The following ST3GAL1 variants were observed in gnomAD, a reference collection of about 807,000 sequenced individuals.
ST3GAL1 encodes ST3 beta-galactoside alpha-2,3-sialyltransferase 1.
A neutral mutation model predicts 34.1 loss-of-function variants in ST3GAL1; 16 were observed. The observed-to-expected ratio is 0.47, with a 90% CI of 0.32 to 0.71. The LOEUF (loss-of-function observed/expected upper bound fraction) is 0.71, where lower values mean the gene tolerates loss of function less well. Among genes scored for constraint, ST3GAL1 ranks in the 30% least tolerant of loss-of-function variants. The pLI, the probability that ST3GAL1 is intolerant of heterozygous loss-of-function variation, is 0.04. For synonymous variants in ST3GAL1, 191 were observed against 184.7 expected, an observed-to-expected ratio of 1.03 and a Z score of -0.28; for missense variants, 353 against 447.4, an observed-to-expected ratio of 0.79 and a Z score of 1.90.
At chr8:133,569,849 T>C (rs188006392) in intron 1 of ST3GAL1, among the ~76,000 whole-genome samples, 3 of 152,094 alleles carry the variant, frequency 2.0e-5, no homozygotes, top group Non-Finnish European at 4.4e-5. Context: ...GTAAAGAAAA[T>C]CAGGAGGCTC....
intron 2 of ST3GAL1, among the ~76,000 whole-genome samples, chr8:133,535,477 A>G (rs1005544678): frequency 6.6e-6 from 1 of 151,372 alleles, no homozygotes; most frequent in Non-Finnish European, 1.5e-5. Context: ...TTTTTCCAAC[A>G]GTATGTGCTC....
intron 2 of ST3GAL1, among the ~76,000 whole-genome samples, chr8:133,534,529 T>C (rs1818250766): frequency 6.6e-6 from 1 of 152,108 alleles, no homozygotes; most frequent in South Asian, 2.1e-4. Flanking sequence ...CCTAAGTTAA[T>C]TGGAGGCAGA....
At chr8:133,470,603 C>T (rs1815915263) in intron 5 of ST3GAL1, among the ~76,000 whole-genome samples, 1 of 152,182 alleles carries the variant, frequency 6.6e-6, no homozygotes, top group Non-Finnish European at 1.5e-5. Context: ...CCTTGGGAAG[C>T]ACGGGGCCTC....
chr8:133,491,235 T>C (rs1015102876), intron 3 of ST3GAL1, among the ~76,000 whole-genome samples: 2 of 152,070 alleles, frequency 1.3e-5, no homozygotes, highest in African/African-American at 4.8e-5. Flanking sequence ...ACAAATCTTC[T>C]TATGTGTGTG....
At chr8:133,516,973 T>G (rs568024538) in intron 2 of ST3GAL1, among the ~76,000 whole-genome samples, 1 of 152,200 alleles carries the variant, frequency 6.6e-6, no homozygotes, top group Non-Finnish European at 1.5e-5. Context: ...GGTGAACATA[T>G]TAGTTCAGCA....
At chr8:133,496,543 C>T (rs1299103950) in intron 3 of ST3GAL1, among the ~76,000 whole-genome samples, 4 of 152,200 alleles carry the variant, frequency 2.6e-5, no homozygotes, top group African/African-American at 9.6e-5. Flanking sequence ...GAGGAACACA[C>T]AGATGACCAC....
At chr8:133,526,565 A>G (rs977615948) in intron 2 of ST3GAL1, among the ~76,000 whole-genome samples, 1 of 152,184 alleles carries the variant, frequency 6.6e-6, no homozygotes, top group African/African-American at 2.4e-5. Flanking sequence ...CCTGAGATAC[A>G]ATTATGTGTT....
At position 133,475,907 on chromosome 8, in the gene ST3GAL1, T is replaced by C. The variant is rs2130944600; in HGVS notation, c.118A>G (p.Lys40Glu). 1.2e-6 allele frequency: 2 copies of C among 1,613,920 alleles called. No homozygotes were observed. The highest frequency in any genetic ancestry group is 4.5e-5 in the East Asian group (2 of 44,830). ...HTMVATTWFP[K>E]QMVLELSENL... ...TCGGAGAGCTCCAGGACCATCTGCT[T>C]GGGGAACCAGGTGGTGGCCACCATG... Residue 40 changes from lysine (K) to glutamate (E), a missense_variant, in exon 5 of 10, where the codon AAG (lysine) becomes GAG (glutamate). Physicochemically the swap from Lys to Glu is moderately conservative, Grantham distance 56. Coordinates refer to ENST00000522652, the MANE Select transcript of ST3GAL1 (RefSeq NM_173344.3).
chr8:133,494,694 G>A (rs78024593), intron 3 of ST3GAL1, among the ~76,000 whole-genome samples: 1,874 of 152,040 alleles, frequency 0.012, 32 homozygotes, highest in African/African-American at 0.043. Flanking sequence ...CATTTTCCAC[G>A]ACTTTTCCTT....
Position 133,570,113 on chromosome 8 carries a change from GT to G in ST3GAL1, c.-582+1579del. Reference sequence around the variant, plus strand: ...GAAAACCCGGCTCCCCTCTCACCCCGTTTTCCTCGTTGGCGAGTCGGCCTCG... The same window carrying G: ...GAAAACCCGGCTCCCCTCTCACCCCGTTTCCTCGTTGGCGAGTCGGCCTCG... On this transcript the variant is annotated intron_variant, in intron 1 of 9. Coordinates refer to ENST00000522652, the MANE Select transcript of ST3GAL1 (RefSeq NM_173344.3). This position sits in a 1 kb window ranked among gnomAD's most constrained non-coding sequence, Gnocchi z 5.6. 1 of 152,464 alleles carries G rather than the reference GT, an allele frequency of 6.6e-6. No individual in the cohort carries two copies. The highest frequency in any genetic ancestry group is 1.5e-5 in the Non-Finnish European group (1 of 68,142). 9.4% of individuals were successfully genotyped at this position (152,464 alleles called of 1,614,324 possible).
chr8:133,485,130 G>T (rs923968330), intron 3 of ST3GAL1, among the ~76,000 whole-genome samples: 2 of 151,940 alleles, frequency 1.3e-5, no homozygotes, highest in Admixed American at 1.3e-4. Flanking sequence ...CTGTCTACAG[G>T]AGTGAGAGTT....
intron 3 of ST3GAL1, among the ~76,000 whole-genome samples, chr8:133,494,908 CTATTCTT>C (rs1262269038): frequency 4.3e-5 from 6 of 140,668 alleles, no homozygotes; most frequent in Admixed American, 3.7e-4. Flanking sequence ...CGTTTTTCCT[CTATTCTT>C]TTTTTTTTTT....
intron 1 of ST3GAL1, among the ~76,000 whole-genome samples, chr8:133,551,547 AAAGAAAGAAAG>A (rs1171666591): frequency 8.2e-5 from 3 of 36,372 alleles, no homozygotes; most frequent in Non-Finnish European, 1.7e-4. Flanking sequence ...AGAAGGAAAG[AAAGAAAGAAAG>A]AAAGAAAGAA....
In ST3GAL1 at chr8:133,571,205, C is replaced by T. The variant is rs542465688; in HGVS notation, c.-582+488G>A. Among the ~76,000 whole-genome samples the T allele has an allele frequency of 6.6e-6, 1 of 152,322 alleles. No individual in the cohort carries two copies. Among genetic ancestry groups the T allele is most frequent in the South Asian group, 2.1e-4 (1 of 4,832 alleles). On this transcript the variant is annotated intron_variant, in intron 1 of 9. Coordinates refer to ENST00000522652, the MANE Select transcript of ST3GAL1 (RefSeq NM_173344.3). The surrounding 1 kb of genome is among the most constrained non-coding windows in gnomAD (Gnocchi z 6.7). ...ACTGGCGGCCTCCGCGGTGTCCCAG[C>T]CTGTGACCCCAAATCCGCTCGAGAG...
intron 2 of ST3GAL1, among the ~76,000 whole-genome samples, chr8:133,503,487 C>T (rs1398918176): frequency 1.3e-5 from 2 of 152,062 alleles, no homozygotes; most frequent in African/African-American, 4.8e-5. Flanking sequence ...GCCACCCCTC[C>T]TTGAAGGCCC....
At chr8:133,500,807 CCTT>C (rs1215360611) in intron 2 of ST3GAL1, among the ~76,000 whole-genome samples, 2 of 152,222 alleles carry the variant, frequency 1.3e-5, no homozygotes, top group African/African-American at 4.8e-5. Flanking sequence ...ATCATCATCA[CCTT>C]CTACTCTGGG....
At chr8:133,534,992 T>A (rs1818267396) in intron 2 of ST3GAL1, among the ~76,000 whole-genome samples, 1 of 151,974 alleles carries the variant, frequency 6.6e-6, no homozygotes, top group Admixed American at 6.6e-5. Context: ...CACAAGACAG[T>A]GTGGTCAGTG....
chr8:133,513,303 C>A (rs1817549766), intron 2 of ST3GAL1, among the ~76,000 whole-genome samples: 1 of 152,222 alleles, frequency 6.6e-6, no homozygotes. Context: ...TAAAGACCTA[C>A]CGAGATCCAA....
intron 2 of ST3GAL1, among the ~76,000 whole-genome samples, chr8:133,507,223 T>C: frequency 6.6e-6 from 1 of 152,224 alleles, no homozygotes; most frequent in East Asian, 1.9e-4. Flanking sequence ...AAGATGGACA[T>C]TCTCAACTCC....
Sources: allele counts gnomAD v4.1 joint callset (sites outside exome capture counted in the v4.1 genomes callset), GRCh38; gene constraint gnomAD v4.1.1; non-coding constraint Gnocchi (gnomAD v3.1); transcripts MANE v1.5; gene names NCBI Gene and HGNC (gene_info 2026-07-23, HGNC 2026-07-21).